CSNK2B: variants seen among roughly 807,000 people sequenced by gnomAD.
CSNK2B encodes the protein casein kinase II subunit beta.
CSNK2B carries 2 observed loss-of-function variants against 28.8 expected under a neutral mutation model. The observed-to-expected ratio is 0.07, with a 90% confidence interval of 0.03 to 0.22. The LOEUF (loss-of-function observed/expected upper bound fraction) is 0.22. CSNK2B is among the 10% of genes least tolerant of loss of function. CSNK2B has a pLI of 1.00. For missense variants in CSNK2B, 107 were observed against 277.9 expected (o/e 0.39, Z 4.37); for synonymous variants, 89 against 96.1 (o/e 0.93, Z 0.43).
intron 2 of CSNK2B, chr6:31,667,293 G>C: frequency 2.6e-6 from 1 of 382,590 alleles, no homozygotes; most frequent in Non-Finnish European, 5.1e-6. Context: ...CACCATGCCT[G>C]GCTAATTTTT....
intron 3 of CSNK2B, 72 bp from the exon 4 acceptor site, chr6:31,668,467 C>A: frequency 7.4e-7 from 1 of 1,345,382 alleles, no homozygotes; most frequent in Non-Finnish European, 1.1e-6. Context: ...TAGCCCGCAG[C>A]CCCTGGATAT....
Position 31,669,220 on chromosome 6 carries a change from G to A in CSNK2B, c.367+48G>A, listed in dbSNP as rs757375419. ...GAAAGCACCGTGTGGCAGTCTTATG[G>A]GAAGGAGTTGGGGCTCAACACATTG... On this transcript the variant is annotated intron_variant, in intron 5 of 6. Transcript: ENST00000375882. This position sits in a 1 kb window ranked among gnomAD's most constrained non-coding sequence, Gnocchi z 4.8. 7 of 1,605,128 alleles carry A rather than the reference G, an allele frequency of 4.4e-6. No homozygotes were observed. The highest frequency in any genetic ancestry group is 6.0e-6 in the Non-Finnish European group (7 of 1,172,188).
chr6:31,668,497 G>A (rs1177892350), intron 3 of CSNK2B, 42 bp from the exon 4 acceptor site: 2 of 1,576,556 alleles, frequency 1.3e-6, no homozygotes, highest in South Asian at 2.2e-5. Context: ...ACCTAGGAAA[G>A]CTGAAAAACA....
rs1003888690 is a variant in CSNK2B, at chr6:31,666,216, T to C, written c.-12+8T>C. ...CTGGTCCCCGTCCAGCCGGTGAGTC[T>C]GAAGTCGTCGCTGCTCCGAGTCCCT... On this transcript the variant is annotated splice_region_variant and intron_variant, in intron 1 of 6. Coordinates refer to ENST00000375882, the MANE Select transcript of CSNK2B (RefSeq NM_001320.7). 6.8e-5 allele frequency: 67 copies of C among 991,226 alleles called. No individual in the cohort carries two copies. Among genetic ancestry groups the C allele is most frequent in the Non-Finnish European group, 7.7e-5 (64 of 832,306 alleles). The allele number at this position is 991,226 out of a possible 1,614,324, so 61.4% of individuals were successfully genotyped here.
At position 31,669,407 on chromosome 6, in the gene CSNK2B, T is replaced by C. The variant is rs763344088; in HGVS notation, c.456T>C (p.His152=). The C allele has an allele frequency of 9.3e-6, 15 of 1,614,024 alleles. No individual in the cohort carries two copies. In the East Asian group the frequency reaches 3.1e-4, roughly 34 times the overall value. The change falls in exon 6 of 7, where the codon CAT becomes CAC. Residue 152 remains histidine, a synonymous_variant. Transcript: ENST00000375882. The surrounding 1 kb of genome is among the most constrained non-coding windows in gnomAD (Gnocchi z 4.8). Reference sequence around the variant, plus strand: ...ACACACCCAAGTCATCAAGACACCATCACACGGATGGCGCCTACTTCGGCA... The same window carrying C: ...ACACACCCAAGTCATCAAGACACCACCACACGGATGGCGCCTACTTCGGCA... ...DVYTPKSSRH[H]HTDGAYFGTG...
rs2151189797 is a variant in CSNK2B at position 31,669,843 on chromosome 6, G to A, written c.565G>A (p.Gly189Ser). ...PANQFVPRLYGFKIHPMAYQL... is the reference protein window; with the variant it reads ...PANQFVPRLYSFKIHPMAYQL... ...ACCTCTGCCCTGGCCTAGGCTCTAC[G>A]GTTTCAAGATCCATCCGATGGCCTA... The change falls in exon 7 of 7, where the codon GGT becomes AGT. Residue 189 changes from glycine (G) to serine (S), a missense_variant. Gly to Ser is a moderately conservative substitution (Grantham distance 56). Coordinates refer to ENST00000375882, the MANE Select transcript of CSNK2B (RefSeq NM_001320.7). The surrounding 1 kb of genome is among the most constrained non-coding windows in gnomAD (Gnocchi z 4.8). The A allele has an allele frequency of 1.2e-6, 2 of 1,612,838 alleles. No individual in the cohort carries two copies. The highest frequency in any genetic ancestry group is 1.3e-5 in the African/African-American group (1 of 75,032).
chr6:31,668,906 C>A, intron 4 of CSNK2B, 191 bp from the exon 5 acceptor site: 1 of 614,570 alleles, frequency 1.6e-6, no homozygotes, highest in Non-Finnish European at 2.9e-6. Flanking sequence ...CAACAAATGG[C>A]TCTGATGGTT....
chr6:31,667,822 T>G, intron 2 of CSNK2B, 46 bp from the exon 3 acceptor site: 20 of 1,163,788 alleles, frequency 1.7e-5, no homozygotes, highest in Non-Finnish European at 2.3e-5. Context: ...AGGTCAAAGA[T>G]GAGGATTTTG....
At chr6:31,667,195 G>A (rs573724011) in intron 2 of CSNK2B, 26 of 579,744 alleles carry the variant, frequency 4.5e-5, no homozygotes, top group South Asian at 1.5e-4. Flanking sequence ...GTAGTGGTGC[G>A]ATCTCGGCTT....
Position 31,670,052 on chromosome 6 carries a change from G to A in CSNK2B, c.*126G>A. ...TATCGTGGTGGGAATATGAAATAAA[G>A]TAGAAGAAAAGGCCATGAGCTAGTC... is the stretch of plus-strand genomic sequence containing the variant. On this transcript the variant is annotated 3_prime_UTR_variant, in exon 7 of 7. Coordinates refer to ENST00000375882, the MANE Select transcript of CSNK2B (RefSeq NM_001320.7). 4 of 816,398 alleles carry A rather than the reference G, an allele frequency of 4.9e-6. No homozygotes were observed. The highest frequency in any genetic ancestry group is 5.6e-6 in the Non-Finnish European group (3 of 538,320). 50.6% of individuals were successfully genotyped at this position (816,398 alleles called of 1,614,324 possible).
At chr6:31,667,441 T>G (rs1801846421) in intron 2 of CSNK2B, 5 of 331,512 alleles carry the variant, frequency 1.5e-5, no homozygotes, top group South Asian at 1.3e-4. Context: ...CTGTATCTTT[T>G]GTTACTAAAG....
At chr6:31,666,791 T>G in intron 1 of CSNK2B, 30 bp from the exon 2 acceptor site, 256 of 1,576,756 alleles carry the variant, frequency 1.6e-4, no homozygotes, top group Non-Finnish European at 2.0e-4. Context: ...AAGGAGAACT[T>G]GAGCTTTACT....
intron 3 of CSNK2B, 58 bp downstream of exon 3, chr6:31,668,028 C>A: frequency 8.7e-7 from 1 of 1,145,088 alleles, no homozygotes; most frequent in Non-Finnish European, 1.3e-6. Context: ...CTCTTCAAAT[C>A]TCTATTCACT....
intron 2 of CSNK2B, chr6:31,667,314 T>C: frequency 2.7e-6 from 1 of 371,792 alleles, no homozygotes; most frequent in Non-Finnish European, 5.2e-6. Flanking sequence ...GTATTTTTAG[T>C]AGAGACAGGG....
chr6:31,668,763 G>A (rs913253863), intron 4 of CSNK2B, 109 bp downstream of exon 4: 24 of 1,001,090 alleles, frequency 2.4e-5, no homozygotes, highest in Middle Eastern at 4.3e-4. Flanking sequence ...CTGAGAAGAG[G>A]GGAAGAACCC....
In CSNK2B at chr6:31,669,211, A is replaced by C; in HGVS notation, c.367+39A>C. The C allele has an allele frequency of 1.2e-6, 2 of 1,607,060 alleles. No homozygotes were observed. Among genetic ancestry groups the C allele is most frequent in the Non-Finnish European group, 1.7e-6 (2 of 1,173,744 alleles). Reference sequence around the variant, plus strand: ...AAGGGAAAGGAAAGCACCGTGTGGCAGTCTTATGGGAAGGAGTTGGGGCTC... The same window carrying C: ...AAGGGAAAGGAAAGCACCGTGTGGCCGTCTTATGGGAAGGAGTTGGGGCTC... On this transcript the variant is annotated intron_variant, in intron 5 of 6. Transcript: ENST00000375882. This position sits in a 1 kb window ranked among gnomAD's most constrained non-coding sequence, Gnocchi z 4.8.
intron 2 of CSNK2B, 31 bp from the exon 3 acceptor site, chr6:31,667,835 ATG>A: frequency 3.1e-6 from 4 of 1,300,640 alleles, no homozygotes; most frequent in Non-Finnish European, 4.2e-6. Context: ...GGATTTTGAT[ATG>A]GGTTCCCTCT....
intron 2 of CSNK2B, 57 bp from the exon 3 acceptor site, chr6:31,667,811 C>G (rs1801884758): frequency 4.9e-6 from 5 of 1,018,046 alleles, no homozygotes; most frequent in Non-Finnish European, 4.3e-6. Context: ...GCATTTTGCC[C>G]AGGTCAAAGA....
chr6:31,669,092 C>G lies in CSNK2B; in HGVS notation c.292-5C>G. On this transcript the variant is annotated splice_region_variant and splice_polypyrimidine_tract_variant and intron_variant, in intron 4 of 6. Transcript: ENST00000375882. The surrounding 1 kb of genome is among the most constrained non-coding windows in gnomAD (Gnocchi z 4.8). ...TGCCAACCCCTTCCATTGTATTCAC[C>G]TCAGTTGGAAAAGTACCAGCAAGGA... The G allele has an allele frequency of 6.2e-7, 1 of 1,612,176 alleles. No homozygotes were observed. The highest frequency in any genetic ancestry group is 8.5e-7 in the Non-Finnish European group (1 of 1,179,168).
Sources: allele counts gnomAD v4.1 joint callset, GRCh38; gene constraint gnomAD v4.1.1; non-coding constraint Gnocchi (gnomAD v3.1); transcripts MANE v1.5; gene names NCBI Gene and HGNC (gene_info 2026-07-23, HGNC 2026-07-21).